The following CSMD1 variants were observed in gnomAD, a reference collection of about 807,000 sequenced individuals.
The protein encoded by CSMD1 is CUB and Sushi multiple domains 1, also known as CUB and sushi domain-containing protein 1.
In CSMD1, 213 loss-of-function variants were observed where a neutral mutation model predicts 417.5. That is an observed-to-expected ratio of 0.51 (90% confidence interval 0.46 to 0.57). The LOEUF is 0.57. Ranked by LOEUF, CSMD1 falls within the 20% of genes least tolerant of loss-of-function variation. CSMD1 has a pLI of 0.00. For missense variants in CSMD1, 6,923 were observed against 4,529.7 expected (o/e 1.53, Z -15.17); for synonymous variants, 2,862 against 1,736.8 (o/e 1.65, Z -16.11).
At chr8:3,615,643 G>A (rs890762041) in intron 8 of CSMD1, among the ~76,000 whole-genome samples, 5 of 151,924 alleles carry the variant, frequency 3.3e-5, no homozygotes, top group African/African-American at 7.3e-5. Flanking sequence ...CTTTTAAAAC[G>A]ACCGTTGTTA....
intron 3 of CSMD1, among the ~76,000 whole-genome samples, chr8:4,146,594 A>C (rs1714815): frequency 1.6e-5 from 1 of 64,244 alleles, no homozygotes; most frequent in Non-Finnish European, 2.6e-5. Flanking sequence ...ATATGGACAC[A>C]TTTTTTTTTT....
At chr8:3,491,926 C>G (rs1230786477) in intron 11 of CSMD1, among the ~76,000 whole-genome samples, 1 of 152,152 alleles carries the variant, frequency 6.6e-6, no homozygotes, top group African/African-American at 2.4e-5. Context: ...TCCAGGGGAC[C>G]TGAGGATCCG....
chr8:3,811,660 T>C (rs1482604236), intron 5 of CSMD1, among the ~76,000 whole-genome samples: 1 of 152,112 alleles, frequency 6.6e-6, no homozygotes, highest in South Asian at 2.1e-4. Context: ...CCACCATCTA[T>C]GCCAGGAATC....
rs142978620 is a variant in CSMD1 at position 4,936,881 on chromosome 8, A to T, written c.85+57451T>A. Among the ~76,000 whole-genome samples the T allele has an allele frequency of 5.2e-3, 788 of 152,292 alleles. 7 individuals carry two copies. Among genetic ancestry groups the T allele is most frequent in the African/African-American group, 0.018 (759 of 41,552 alleles). On this transcript the variant is annotated intron_variant, in intron 1 of 69. Transcript: ENST00000635120. ...TTATTTTGACTAGGTTTTTTGTTCA[A>T]ATTATTATTTTCTCTTGTGTTTTAT... is the stretch of plus-strand genomic sequence containing the variant.
chr8:4,084,864 G>C (rs1032654720), intron 3 of CSMD1, among the ~76,000 whole-genome samples: 4 of 151,756 alleles, frequency 2.6e-5, no homozygotes, highest in Non-Finnish European at 4.4e-5. Context: ...CAAAAGCATG[G>C]TCTAATGCAA....
chr8:3,625,431 T>C (rs1584980397), intron 7 of CSMD1, among the ~76,000 whole-genome samples: 1 of 152,242 alleles, frequency 6.6e-6, no homozygotes, highest in African/African-American at 2.4e-5. Flanking sequence ...CTGGCCCCTC[T>C]TTCCTCTCCC....
intron 5 of CSMD1, among the ~76,000 whole-genome samples, chr8:3,812,796 T>G (rs950917750): frequency 1.3e-5 from 2 of 152,330 alleles, no homozygotes; most frequent in South Asian, 4.1e-4. Flanking sequence ...GCTATTGAAT[T>G]AACTGTCTTT....
intron 2 of CSMD1, among the ~76,000 whole-genome samples, chr8:4,446,733 CTGTGTGTGTGTGTGT>C (rs1798817416): frequency 3.0e-5 from 4 of 134,038 alleles, no homozygotes; most frequent in Non-Finnish European, 4.8e-5. Flanking sequence ...GTGTGTGTGT[CTGTGTGTGTGTGTGT>C]GTGTGTCTGT....
intron 3 of CSMD1, among the ~76,000 whole-genome samples, chr8:4,119,576 ATAG>A (rs1438855872): frequency 3.7e-5 from 4 of 108,824 alleles, no homozygotes; most frequent in African/African-American, 1.4e-4. Context: ...CCAGAGGATA[ATAG>A]TAGTGTTCTT....
intron 21 of CSMD1, among the ~76,000 whole-genome samples, chr8:3,352,187 C>G (rs1220167954): frequency 6.6e-6 from 1 of 152,174 alleles, no homozygotes; most frequent in Non-Finnish European, 1.5e-5. Context: ...GGCACACTCT[C>G]AGGTGCAAGA....
intron 5 of CSMD1, among the ~76,000 whole-genome samples, chr8:3,777,202 G>C (rs925115560): frequency 2.0e-5 from 3 of 151,332 alleles, no homozygotes; most frequent in Middle Eastern, 3.4e-3. Context: ...GTTATATTAT[G>C]TTTAAAATCT....
At chr8:4,225,462 A>C (rs576548447) in intron 3 of CSMD1, among the ~76,000 whole-genome samples, 1 of 152,138 alleles carries the variant, frequency 6.6e-6, no homozygotes, top group South Asian at 2.1e-4. Flanking sequence ...AAATAACAAT[A>C]AAATACAAAA....
At position 4,409,010 on chromosome 8, in the gene CSMD1, G is replaced by A. The variant is rs763327389; in HGVS notation, c.415+10943C>T. On this transcript the variant is annotated intron_variant, in intron 3 of 69. Coordinates refer to ENST00000635120, the MANE Select transcript of CSMD1 (RefSeq NM_033225.6). Reference sequence around the variant, plus strand: ...TGCCGACTGATTTAAGAACTCTGAAGACAAAACAAATATCTGTATCACTTT... The same window carrying A: ...TGCCGACTGATTTAAGAACTCTGAAAACAAAACAAATATCTGTATCACTTT... Among the ~76,000 whole-genome samples, 231 of 152,258 alleles carry A rather than the reference G, an allele frequency of 1.5e-3. 1 individual carries two copies. Among genetic ancestry groups the A allele is most frequent in the Admixed American group, 3.1e-3 (48 of 15,288 alleles).
intron 1 of CSMD1, among the ~76,000 whole-genome samples, chr8:4,766,360 A>G (rs1201161421): frequency 2.0e-5 from 3 of 152,196 alleles, no homozygotes; most frequent in East Asian, 3.9e-4. Flanking sequence ...TTAGGACACA[A>G]GAAGAAATTA....
intron 1 of CSMD1, among the ~76,000 whole-genome samples, chr8:4,795,428 C>T (rs183399655): frequency 1.6e-4 from 24 of 151,680 alleles, no homozygotes; most frequent in Admixed American, 3.9e-4. Flanking sequence ...CCCAGCACCA[C>T]GCCAGGCTAA....
chr8:3,123,437 T>G (rs1031876328), intron 41 of CSMD1, among the ~76,000 whole-genome samples: 4 of 152,230 alleles, frequency 2.6e-5, no homozygotes, highest in Admixed American at 2.6e-4. Context: ...CAAAAAAGAA[T>G]GAATAATTCC....
chr8:4,366,946 A>T (rs1802109423), intron 3 of CSMD1, among the ~76,000 whole-genome samples: 1 of 151,156 alleles, frequency 6.6e-6, no homozygotes, highest in African/African-American at 2.4e-5. Context: ...TTGATATTAC[A>T]CCTTTGTTGG....
intron 1 of CSMD1, among the ~76,000 whole-genome samples, chr8:4,843,524 T>A (rs935542175): frequency 6.6e-6 from 1 of 152,170 alleles, no homozygotes; most frequent in African/African-American, 2.4e-5. Context: ...CCCCTATTTC[T>A]GCACCTCCAA....
At chr8:3,720,844 C>T (rs1489141652) in intron 6 of CSMD1, among the ~76,000 whole-genome samples, 2 of 152,034 alleles carry the variant, frequency 1.3e-5, no homozygotes, top group African/African-American at 2.4e-5. Flanking sequence ...GAGAGTCTCG[C>T]TCTGTTGCCC....
Sources: gnomAD v4.1 joint callset for allele counts (sites outside exome capture counted in the v4.1 genomes callset) on GRCh38, gnomAD v4.1.1 for gene constraint, MANE v1.5 for transcripts, NCBI Gene and HGNC (gene_info 2026-07-23, HGNC 2026-07-21) for gene names.